ROBO1: variants seen among roughly 807,000 people sequenced by gnomAD.
ROBO1 encodes the protein roundabout guidance receptor 1, also known as roundabout homolog 1.
A neutral mutation model predicts 195.9 loss-of-function variants in ROBO1; 149 were observed. The ratio of observed to expected loss-of-function variants is 0.76; its 90% CI spans 0.67 to 0.87. The LOEUF (loss-of-function observed/expected upper bound fraction) is 0.87. Among genes scored for constraint, ROBO1 ranks in the 40% least tolerant of loss-of-function variants. The pLI, the probability that ROBO1 is intolerant of heterozygous loss-of-function variation, is 0.00. For missense variants in ROBO1, 1,933 were observed against 2,068.3 expected (o/e 0.93, Z 1.27); for synonymous variants, 816 against 733.2 (o/e 1.11, Z -1.82).
chr3:79,584,656 C>T (rs1943770162), intron 2 of ROBO1, among the ~76,000 whole-genome samples: 1 of 147,500 alleles, frequency 6.8e-6, no homozygotes, highest in African/African-American at 2.5e-5. Flanking sequence ...TACACACACA[C>T]ACACATACAC....
chr3:79,584,803 C>A (rs1404746262), intron 2 of ROBO1, among the ~76,000 whole-genome samples: 1 of 151,440 alleles, frequency 6.6e-6, no homozygotes, highest in Non-Finnish European at 1.5e-5. Context: ...TTAACCCACA[C>A]CTGGCACTAG....
chr3:79,458,644 A>G (rs964194450), intron 2 of ROBO1, among the ~76,000 whole-genome samples: 3 of 152,138 alleles, frequency 2.0e-5, no homozygotes, highest in Non-Finnish European at 4.4e-5. Flanking sequence ...TATGGAGACG[A>G]GGACCTTCTA....
At chr3:79,744,695 G>A (rs1703794848) in intron 1 of ROBO1, among the ~76,000 whole-genome samples, 1 of 151,972 alleles carries the variant, frequency 6.6e-6, no homozygotes. Flanking sequence ...GTTATAGAAG[G>A]CCAAGGTGAC....
At chr3:78,965,024 TTA>T (rs2076608496) in intron 3 of ROBO1, among the ~76,000 whole-genome samples, 1 of 151,866 alleles carries the variant, frequency 6.6e-6, no homozygotes, top group South Asian at 2.1e-4. Flanking sequence ...TTTTTATACA[TTA>T]TATATGACTT....
intron 4 of ROBO1, among the ~76,000 whole-genome samples, chr3:78,900,824 G>T (rs531993449): frequency 6.6e-6 from 1 of 151,922 alleles, no homozygotes; most frequent in Non-Finnish European, 1.5e-5. Flanking sequence ...ACTTTTTTCT[G>T]CAAAATAAAT....
intron 1 of ROBO1, among the ~76,000 whole-genome samples, chr3:79,726,640 T>TA (rs149509243): frequency 2.5e-4 from 38 of 152,122 alleles, no homozygotes; most frequent in African/African-American, 8.4e-4. Flanking sequence ...GCATTATCTC[T>TA]AAAAAAAATT....
intron 2 of ROBO1, among the ~76,000 whole-genome samples, chr3:79,540,888 T>C (rs9852165): frequency 0.57 from 86,887 of 151,936 alleles, 24,985 homozygotes; most frequent in Non-Finnish European, 0.6. Context: ...ATTTTAAAAA[T>C]ATTTGAGCAA....
At chr3:78,832,569 GCTAA>G (rs1260329424) in intron 4 of ROBO1, among the ~76,000 whole-genome samples, 1 of 152,172 alleles carries the variant, frequency 6.6e-6, no homozygotes, top group Non-Finnish European at 1.5e-5. Context: ...TGAATTAAGT[GCTAA>G]CTTTGTGCTA....
intron 5 of ROBO1, among the ~76,000 whole-genome samples, chr3:78,734,651 T>A (rs555065465): frequency 1.3e-5 from 2 of 152,002 alleles, no homozygotes; most frequent in South Asian, 4.1e-4. Context: ...CTCAGGAGAT[T>A]TAAGAGAATA....
chr3:79,135,490 A>G (rs993561074), intron 2 of ROBO1, among the ~76,000 whole-genome samples: 1 of 152,228 alleles, frequency 6.6e-6, no homozygotes, highest in Non-Finnish European at 1.5e-5. Flanking sequence ...TCCAGAAAAA[A>G]TAACATACTT....
At chr3:78,794,108 A>G (rs948788658) in intron 4 of ROBO1, among the ~76,000 whole-genome samples, 2 of 152,206 alleles carry the variant, frequency 1.3e-5, no homozygotes, top group Admixed American at 6.5e-5. Flanking sequence ...TAAAAATACA[A>G]TGGGAGGTCA....
At chr3:78,924,360 A>G (rs1002229450) in intron 4 of ROBO1, among the ~76,000 whole-genome samples, 12 of 134,770 alleles carry the variant, frequency 8.9e-5, no homozygotes, top group Non-Finnish European at 1.8e-4. Flanking sequence ...AAGAAAAATA[A>G]TCTATAATAA....
At chr3:79,549,360 T>C (rs1942390526) in intron 2 of ROBO1, among the ~76,000 whole-genome samples, 2 of 152,162 alleles carry the variant, frequency 1.3e-5, no homozygotes, top group African/African-American at 4.8e-5. Flanking sequence ...CATATATAAA[T>C]GAGGACATGG....
At chr3:78,685,656 A>G in intron 10 of ROBO1, 90 bp downstream of exon 10, 1 of 828,350 alleles carries the variant, frequency 1.2e-6, no homozygotes, top group Admixed American at 3.3e-5. Flanking sequence ...ATAAAAAGGT[A>G]TAAAGTTGGA....
At chr3:78,916,008 T>C (rs1192249304) in intron 4 of ROBO1, among the ~76,000 whole-genome samples, 1 of 151,974 alleles carries the variant, frequency 6.6e-6, no homozygotes, top group Non-Finnish European at 1.5e-5. Context: ...TCCCAGCACT[T>C]TGGGAGGCCG....
At chr3:79,089,939 C>CTTT (rs1177571028) in intron 3 of ROBO1, among the ~76,000 whole-genome samples, 4,253 of 11,722 alleles carry the variant, frequency 0.36, 259 homozygotes, top group African/African-American at 0.41. Context: ...GTTATTCTTT[C>CTTT]TTTTTTTTTT....
At chr3:79,626,567 G>A (rs1359297345) in intron 1 of ROBO1, among the ~76,000 whole-genome samples, 2 of 152,164 alleles carry the variant, frequency 1.3e-5, no homozygotes, top group Admixed American at 6.5e-5. Context: ...AAAGCTGGAA[G>A]CATTCCCTTT....
At chr3:78,668,328 T>C (rs752710509) in intron 12 of ROBO1, 26 bp from the exon 13 acceptor site, 1 of 1,611,430 alleles carries the variant, frequency 6.2e-7, no homozygotes, top group African/African-American at 1.3e-5. Flanking sequence ...AAGGCCAAAA[T>C]AAAAGATGTT....
chr3:79,322,989 C>T (rs1267993009), intron 2 of ROBO1, among the ~76,000 whole-genome samples: 1 of 151,802 alleles, frequency 6.6e-6, no homozygotes, highest in Non-Finnish European at 1.5e-5. Flanking sequence ...TTAGGATATC[C>T]TTCAGTTATA....
Sources: gnomAD v4.1 joint callset for allele counts (sites outside exome capture counted in the v4.1 genomes callset) on GRCh38, gnomAD v4.1.1 for gene constraint, MANE v1.5 for transcripts, NCBI Gene and HGNC (gene_info 2026-07-23, HGNC 2026-07-21) for gene names.